PLAA: variants seen among roughly 807,000 people sequenced by gnomAD.
PLAA encodes the protein phospholipase A-2-activating protein.
Under a neutral mutation model 84.1 loss-of-function variants are expected in PLAA, and 48 were observed. The ratio of observed to expected loss-of-function variants is 0.57; its 90% CI spans 0.45 to 0.73. The LOEUF is 0.73. PLAA is among the 30% of genes least tolerant of loss of function. The pLI, the probability that PLAA is intolerant of heterozygous loss-of-function variation, is 0.00. For synonymous variants in PLAA, 392 were observed against 336.6 expected (o/e 1.16, Z -1.80); for missense variants, 903 against 954.7 (o/e 0.95, Z 0.71).
In PLAA at chr9:26,906,004, T is replaced by C. The variant is rs946611612; in HGVS notation, c.1895A>G (p.Asn632Ser). The C allele has an allele frequency of 3.1e-6, 5 of 1,613,406 alleles. No individual in the cohort carries two copies. In the African/African-American group the frequency reaches 4.0e-5, roughly 13 times the overall value. Residue 632 changes from asparagine to serine, a missense_variant, in exon 14 of 14, where the codon AAT becomes AGT. Transcript: ENST00000397292. ...GCTGAACTGAGCCCCTTCCTTTTCA[T>C]TGCAGAAGTTCTCATTCACACTGGG... Reference protein sequence around the residue: ...KHPSVNENFCNEKEGAQFSSH... With the variant: ...KHPSVNENFCSEKEGAQFSSH...
chr9:26,946,919 T>C lies in PLAA; in HGVS notation c.127A>G (p.Thr43Ala). Reference sequence around the variant, plus strand: ...CACCTGTCTGGGGCCCAGAGGCGGGTGGTGCGGTCTCGGGACACGGACACA... The same window carrying C: ...CACCTGTCTGGGGCCCAGAGGCGGGCGGTGCGGTCTCGGGACACGGACACA... ...AFVSVSRDRT[T>A]RLWAPDSPNR... The change falls in exon 1 of 14, where the codon ACC (threonine) becomes GCC (alanine). Residue 43 changes from threonine (T) to alanine (A), a missense_variant. Thr to Ala is a moderately conservative substitution (Grantham distance 58). Coordinates refer to ENST00000397292, the MANE Select transcript of PLAA (RefSeq NM_001031689.3). 1 of 1,573,006 alleles carries C rather than the reference T, an allele frequency of 6.4e-7. No homozygotes were observed. Among genetic ancestry groups the C allele is most frequent in the South Asian group, 1.2e-5 (1 of 86,006 alleles).
intron 1 of PLAA, among the ~76,000 whole-genome samples, chr9:26,943,108 C>G (rs1329102156): frequency 6.6e-6 from 1 of 152,034 alleles, no homozygotes; most frequent in Non-Finnish European, 1.5e-5. Context: ...TGCTGAAGTC[C>G]TATCTCACTC....
chr9:26,946,915 C>G lies in PLAA; in HGVS notation c.131G>C (p.Arg44Pro). 2 of 1,577,734 alleles carry G rather than the reference C, an allele frequency of 1.3e-6. No homozygotes were observed. Among genetic ancestry groups the G allele is most frequent in the Non-Finnish European group, 1.7e-6 (2 of 1,161,320 alleles). ...FVSVSRDRTTRLWAPDSPNRS... is the reference protein window; with the variant it reads ...FVSVSRDRTTPLWAPDSPNRS... ...CGCTCACCTGTCTGGGGCCCAGAGG[C>G]GGGTGGTGCGGTCTCGGGACACGGA... Residue 44 changes from arginine (R) to proline (P), a missense_variant, in exon 1 of 14, where the codon CGC becomes CCC. Physicochemically the swap from Arg to Pro is moderately radical, Grantham distance 103. Coordinates refer to ENST00000397292, the MANE Select transcript of PLAA (RefSeq NM_001031689.3).
At chr9:26,946,843 C>T in intron 1 of PLAA, 54 bp downstream of exon 1, 2 of 1,511,990 alleles carry the variant, frequency 1.3e-6, no homozygotes, top group Admixed American at 2.1e-5. Flanking sequence ...ACTCTCCTTC[C>T]ACTCTCCGGG....
At position 26,920,220 on chromosome 9, in the gene PLAA, G is replaced by A. The variant is rs201196073; in HGVS notation, c.1197+7C>T. The A allele has an allele frequency of 3.5e-5, 56 of 1,609,324 alleles. No homozygotes were observed. Among genetic ancestry groups the A allele is most frequent in the South Asian group, 2.5e-4 (23 of 90,808 alleles). ...CAATAGTAATTAGAAAGTAGAAGTC[G>A]ACATACTTTCCCTTCATATAAAACT... On this transcript the variant is annotated splice_region_variant and intron_variant, in intron 8 of 13. Coordinates refer to ENST00000397292, the MANE Select transcript of PLAA (RefSeq NM_001031689.3).
At chr9:26,937,272 G>C (rs1484785505) in intron 1 of PLAA, among the ~76,000 whole-genome samples, 1 of 152,138 alleles carries the variant, frequency 6.6e-6, no homozygotes, top group African/African-American at 2.4e-5. Flanking sequence ...AAGTGAAAGT[G>C]CATGCCCAGG....
chr9:26,940,065 A>G (rs1825483512), intron 1 of PLAA, among the ~76,000 whole-genome samples: 1 of 152,224 alleles, frequency 6.6e-6, no homozygotes, highest in African/African-American at 2.4e-5. Flanking sequence ...ACTACGTGAA[A>G]GCAAAGACAC....
At chr9:26,938,363 A>C (rs1228740987) in intron 1 of PLAA, among the ~76,000 whole-genome samples, 1 of 152,008 alleles carries the variant, frequency 6.6e-6, no homozygotes, top group African/African-American at 2.4e-5. Flanking sequence ...CAGCCTGGTC[A>C]ACATAGCGAA....
chr9:26,909,225 C>G lies in PLAA; in HGVS notation c.1657+1113G>C, dbSNP rs900408111. Among the ~76,000 whole-genome samples the G allele has an allele frequency of 4.6e-5, 7 of 152,128 alleles. No individual in the cohort carries two copies. In the East Asian group the frequency reaches 1.3e-3, roughly 29 times the overall value. ...AATCAATTATAAATGGAAACTAGGG[C>G]CTGTTTCACTAATCTCAGGTATTAA... On this transcript the variant is annotated intron_variant, in intron 12 of 13. Coordinates refer to ENST00000397292, the MANE Select transcript of PLAA (RefSeq NM_001031689.3).
At position 26,928,170 on chromosome 9, in the gene PLAA, T is replaced by C. The variant is rs772297889; in HGVS notation, c.495A>G (p.Leu165=). ...TCTTGTCTGCTGATCCAGTCAACAT[T>C]AAGCCCTGTTCAGGTAAGATCTTTA... is the stretch of plus-strand genomic sequence containing the variant. The part of the protein sequence containing the change: ...WAVKILPEQG[L]MLTGSADKTV... Residue 165 remains leucine (L), a synonymous_variant, in exon 4 of 14, where the codon TTA becomes TTG. Coordinates refer to ENST00000397292, the MANE Select transcript of PLAA (RefSeq NM_001031689.3). 6.2e-6 allele frequency: 10 copies of C among 1,614,058 alleles called. No homozygotes were observed. The South Asian group carries it at 6.6e-5, about 11-fold the overall frequency.
Position 26,919,197 on chromosome 9 carries a change from C to T in PLAA, c.1417+113G>A, listed in dbSNP as rs576545153. ...CATATGAATGTGAAGTAAAACCCTG[C>T]TGTAGATATTGGTATTTATTGAAAA... On this transcript the variant is annotated intron_variant, in intron 9 of 13. Transcript: ENST00000397292. 8.5e-6 allele frequency: 5 copies of T among 590,840 alleles called. No homozygotes were observed. In the South Asian group the frequency reaches 1.3e-4, roughly 15 times the overall value. The allele number at this position is 590,840 out of a possible 1,614,324, so 36.6% of individuals were successfully genotyped here.
chr9:26,945,085 C>T (rs892862030), intron 1 of PLAA, among the ~76,000 whole-genome samples: 8 of 152,160 alleles, frequency 5.3e-5, no homozygotes, highest in Non-Finnish European at 1.2e-4. Context: ...CAAGATTGTG[C>T]CATTGCACTC....
intron 10 of PLAA, 55 bp downstream of exon 10, chr9:26,917,042 G>T: frequency 1.4e-6 from 2 of 1,400,198 alleles, no homozygotes; most frequent in Non-Finnish European, 2.0e-6. Context: ...GCCATGTGAT[G>T]CAAGATGCTA....
At chr9:26,933,772 G>C (rs949372719) in intron 2 of PLAA, among the ~76,000 whole-genome samples, 2 of 135,658 alleles carry the variant, frequency 1.5e-5, no homozygotes, top group African/African-American at 2.7e-5. Context: ...CTGGGCGACA[G>C]AGCGAGACTC....
intron 1 of PLAA, among the ~76,000 whole-genome samples, chr9:26,941,193 G>T (rs1393289233): frequency 6.7e-6 from 1 of 149,936 alleles, no homozygotes; most frequent in Non-Finnish European, 1.5e-5. Flanking sequence ...GGGGGTGGGG[G>T]AGGGATGTGC....
chr9:26,917,070 G>A lies in PLAA; in HGVS notation c.1486+27C>T, dbSNP rs200337144. ...AGATGCTATACATTTAGTGAAGAAA[G>A]ATACATGAATCAAAACTACATCCCA... is the stretch of plus-strand genomic sequence containing the variant. On this transcript the variant is annotated intron_variant, in intron 10 of 13. Coordinates refer to ENST00000397292, the MANE Select transcript of PLAA (RefSeq NM_001031689.3). 1.0e-4 allele frequency: 159 copies of A among 1,582,164 alleles called. No individual in the cohort carries two copies. The African/African-American group carries it at 1.9e-3, about 19-fold the overall frequency.
chr9:26,915,762 G>C (rs1824530841), intron 10 of PLAA: 1 of 985,054 alleles, frequency 1.0e-6, no homozygotes. Context: ...TTATGGAACA[G>C]TGAGATATGC....
chr9:26,935,137 G>A lies in PLAA; in HGVS notation c.219C>T (p.Ile73=). ...GHSNFVSCVC[I]IPSSDIYPHG... Reference sequence around the variant, plus strand: ...GAGGGTAGATGTCACTTGAGGGTATGATGCATACACAAGATACAAAATTGG... The same window carrying A: ...GAGGGTAGATGTCACTTGAGGGTATAATGCATACACAAGATACAAAATTGG... The change falls in exon 2 of 14, where the codon ATC becomes ATT. Residue 73 remains isoleucine (I), a synonymous_variant. Transcript: ENST00000397292. 1.2e-6 allele frequency: 2 copies of A among 1,608,452 alleles called. No homozygotes were observed. The highest frequency in any genetic ancestry group is 1.7e-6 in the Non-Finnish European group (2 of 1,178,006).
chr9:26,919,708 G>A (rs1371340529), intron 8 of PLAA, among the ~76,000 whole-genome samples, 179 bp from the exon 9 acceptor site: 2 of 152,176 alleles, frequency 1.3e-5, no homozygotes, highest in Admixed American at 6.5e-5. Context: ...ATCTGCATGT[G>A]ATGCAAAATT....
Sources: gnomAD v4.1 joint callset for allele counts (sites outside exome capture counted in the v4.1 genomes callset) on GRCh38, gnomAD v4.1.1 for gene constraint, MANE v1.5 for transcripts, NCBI Gene and HGNC (gene_info 2026-07-23, HGNC 2026-07-21) for gene names.